The following SMARCA1 variants were observed in gnomAD, a reference collection of about 807,000 sequenced individuals.
SMARCA1 encodes the protein SNF2 related chromatin remodeling ATPase 1.
In SMARCA1, 17 loss-of-function variants were observed where a neutral mutation model predicts 93.6. That is an observed-to-expected ratio of 0.18 (90% confidence interval 0.12 to 0.27). SMARCA1 has a LOEUF of 0.27. Ranked by LOEUF, SMARCA1 falls within the 10% of genes least tolerant of loss-of-function variation. The pLI, the probability that SMARCA1 is intolerant of heterozygous loss-of-function variation, is 1.00. For missense variants in SMARCA1, 630 were observed against 819.0 expected (o/e 0.77, Z 2.82); for synonymous variants, 271 against 271.4 (o/e 1.00, Z 0.01).
At chrX:129,449,977 T>C (rs1268681410) in intron 23 of SMARCA1, among the ~76,000 whole-genome samples, 1 of 112,897 alleles carries the variant, frequency 8.9e-6, no homozygotes, top group Non-Finnish European at 1.9e-5. Context: ...ATATCTGACA[T>C]TGACAATAAG....
At chrX:129,452,589 T>C (rs1932362059) in intron 23 of SMARCA1, among the ~76,000 whole-genome samples, 1 of 112,367 alleles carries the variant, frequency 8.9e-6, no homozygotes, top group South Asian at 3.7e-4. Context: ...AGAGTGGAAA[T>C]GTGAATGGCA....
chrX:129,516,243 G>A lies in SMARCA1; in HGVS notation c.428+88C>T, dbSNP rs372103547. 1.1e-4 allele frequency: 89 copies of A among 845,620 alleles called. No individual in the cohort carries two copies. In the African/African-American group the frequency reaches 1.3e-3, roughly 12 times the overall value. 69.7% of individuals were successfully genotyped at this position (845,620 alleles called of 1,213,427 possible). ...GAAGGTATACTGAACAATGAAGAGC[G>A]AAGGGGTGCATGAAGGGATCAAGGG... is the stretch of plus-strand genomic sequence containing the variant. On this transcript the variant is annotated intron_variant, in intron 3 of 24. Coordinates refer to ENST00000371121, the MANE Select transcript of SMARCA1 (RefSeq NM_001282874.2).
chrX:129,507,691 C>A (rs1934870163), intron 7 of SMARCA1, among the ~76,000 whole-genome samples: 1 of 111,958 alleles, frequency 8.9e-6, no homozygotes, highest in South Asian at 3.7e-4. Flanking sequence ...GTAGCTGGGA[C>A]TACAGGCATG....
At chrX:129,467,590 T>C (rs1212634523) in intron 21 of SMARCA1, among the ~76,000 whole-genome samples, 2 of 110,658 alleles carry the variant, frequency 1.8e-5, no homozygotes, top group African/African-American at 3.3e-5. Flanking sequence ...TTATATTATA[T>C]GTAATAAAAA....
intron 1 of SMARCA1, among the ~76,000 whole-genome samples, chrX:129,520,138 C>CGTGTGTGTGTGTGT (rs374631579): frequency 1.1e-4 from 11 of 96,741 alleles, no homozygotes; most frequent in South Asian, 5.2e-4. Context: ...AACCTTCTCT[C>CGTGTGTGTGTGTGT]GTGTGTGTGT....
chrX:129,523,064 C>T (rs1312956309), intron 1 of SMARCA1, 133 bp downstream of exon 1: 38 of 721,462 alleles, frequency 5.3e-5, no homozygotes, highest in Non-Finnish European at 6.8e-5. Flanking sequence ...CCGCCGCCGA[C>T]CCCCGCACCC....
intron 21 of SMARCA1, 37 bp downstream of exon 21, chrX:129,468,736 T>C (rs1452149834): frequency 9.5e-7 from 1 of 1,057,964 alleles, no homozygotes; most frequent in South Asian, 2.3e-5. Flanking sequence ...ATGAATAACG[T>C]TAAAATACAA....
intron 17 of SMARCA1, among the ~76,000 whole-genome samples, chrX:129,481,454 G>GT (rs1004182418): frequency 1.1e-4 from 12 of 111,380 alleles, no homozygotes; most frequent in Admixed American, 3.8e-4. Flanking sequence ...GTACAATCTG[G>GT]TTTTTTTTGG....
chrX:129,477,096 C>T (rs1306018369), intron 19 of SMARCA1, among the ~76,000 whole-genome samples: 1 of 111,181 alleles, frequency 9.0e-6, no homozygotes, highest in Non-Finnish European at 1.9e-5. Flanking sequence ...GAAGAGAGTC[C>T]AAGGCTAGGA....
At chrX:129,517,911 T>A (rs1321461612) in intron 2 of SMARCA1, among the ~76,000 whole-genome samples, 1 of 111,627 alleles carries the variant, frequency 9.0e-6, no homozygotes, top group Non-Finnish European at 1.9e-5. Context: ...TGTATTGACA[T>A]ATTACACATT....
At chrX:129,463,822 A>G (rs1321627441) in intron 23 of SMARCA1, among the ~76,000 whole-genome samples, 1 of 110,611 alleles carries the variant, frequency 9.0e-6, no homozygotes, top group East Asian at 2.8e-4. Context: ...CTGTAATACC[A>G]GCTACTCGGG....
intron 1 of SMARCA1, among the ~76,000 whole-genome samples, chrX:129,521,325 G>A (rs994561743): frequency 3.6e-5 from 4 of 112,105 alleles, no homozygotes; most frequent in African/African-American, 1.3e-4. Flanking sequence ...ATGAAGAAGA[G>A]GTTAATCTGC....
intron 19 of SMARCA1, among the ~76,000 whole-genome samples, chrX:129,471,559 G>C (rs1334987990): frequency 8.9e-6 from 1 of 111,742 alleles, no homozygotes; most frequent in Non-Finnish European, 1.9e-5. Flanking sequence ...TGCCACATTA[G>C]ATTTCAGATA....
intron 5 of SMARCA1, among the ~76,000 whole-genome samples, chrX:129,515,299 G>A (rs762379048): frequency 7.2e-5 from 8 of 110,513 alleles, no homozygotes; most frequent in Non-Finnish European, 1.5e-4. Flanking sequence ...CGAGGTGGGA[G>A]GACTGCTTGA....
chrX:129,480,925 T>C (rs1428207106), intron 18 of SMARCA1, 111 bp from the exon 19 acceptor site: 2 of 589,733 alleles, frequency 3.4e-6, no homozygotes, highest in African/African-American at 2.3e-5. Context: ...ATAAAATCCA[T>C]TTATATGGCT....
chrX:129,492,619 G>A (rs1446418226), intron 13 of SMARCA1, among the ~76,000 whole-genome samples: 2 of 110,947 alleles, frequency 1.8e-5, no homozygotes, highest in African/African-American at 6.5e-5. Flanking sequence ...TATCAGTATG[G>A]TAACAAGGAA....
chrX:129,478,166 AC>A (rs1173771819), intron 19 of SMARCA1, among the ~76,000 whole-genome samples: 1 of 111,225 alleles, frequency 9.0e-6, no homozygotes, highest in Non-Finnish European at 1.9e-5. Flanking sequence ...CCTCATTAGC[AC>A]CCCTTGTAAG....
chrX:129,510,554 C>T (rs908749684), intron 6 of SMARCA1, among the ~76,000 whole-genome samples: 3 of 111,185 alleles, frequency 2.7e-5, no homozygotes, highest in Non-Finnish European at 5.7e-5. Flanking sequence ...GGCGACAGAG[C>T]GAGACCCCGC....
intron 8 of SMARCA1, among the ~76,000 whole-genome samples, chrX:129,505,308 C>T (rs1280473054): frequency 9.0e-6 from 1 of 110,776 alleles, no homozygotes; most frequent in African/African-American, 3.3e-5. Context: ...GTCAGGAGTT[C>T]GAGACCAGCC....
Sources: allele counts gnomAD v4.1 joint callset (sites outside exome capture counted in the v4.1 genomes callset), GRCh38; gene constraint gnomAD v4.1.1; transcripts MANE v1.5; gene names NCBI Gene and HGNC (gene_info 2026-07-23, HGNC 2026-07-21).